The following TMEM232 variants were observed in gnomAD, a reference collection of about 807,000 sequenced individuals.
The protein encoded by TMEM232 is transmembrane protein 232.
A neutral mutation model predicts 78.8 loss-of-function variants in TMEM232; 80 were observed. The observed-to-expected ratio is 1.01, with a 90% CI of 0.85 to 1.22. TMEM232 has a LOEUF of 1.22. Ranked by LOEUF, TMEM232 falls within the 50% of genes most tolerant of loss-of-function variation. The pLI, the probability that TMEM232 is intolerant of heterozygous loss-of-function variation, is 0.00. For synonymous variants in TMEM232, 297 were observed against 254.3 expected, an observed-to-expected ratio of 1.17 and a Z score of -1.60; for missense variants, 881 against 742.2, an observed-to-expected ratio of 1.19 and a Z score of -2.17.
intron 1 of TMEM232, among the ~76,000 whole-genome samples, chr5:110,723,129 T>C (rs1259031263): frequency 6.6e-6 from 1 of 152,186 alleles, no homozygotes; most frequent in African/African-American, 2.4e-5. Flanking sequence ...CCAGTGAACC[T>C]ATCTGGGCCT....
At chr5:110,409,700 CT>C (rs1040977349) in intron 2 of TMEM232, among the ~76,000 whole-genome samples, 7 of 148,880 alleles carry the variant, frequency 4.7e-5, no homozygotes, top group South Asian at 2.1e-4. Flanking sequence ...GCTACATATT[CT>C]TTTTTTTTTC....
intron 2 of TMEM232, among the ~76,000 whole-genome samples, chr5:110,651,589 G>A (rs1475362063): frequency 1.3e-5 from 2 of 152,018 alleles, no homozygotes; most frequent in East Asian, 1.9e-4. Flanking sequence ...TTTTACTCTG[G>A]ATGTAATGGA....
At chr5:110,638,492 G>T in intron 4 of TMEM232, 137 bp from the exon 5 acceptor site, 1 of 840,804 alleles carries the variant, frequency 1.2e-6, no homozygotes, top group Non-Finnish European at 1.8e-6. Flanking sequence ...AATTCTCTTT[G>T]ACACCTTTCT....
intron 12 of TMEM232, among the ~76,000 whole-genome samples, chr5:110,516,116 G>GTA (rs1768597886): frequency 6.6e-6 from 1 of 152,132 alleles, no homozygotes. Flanking sequence ...GCAGGCACCT[G>GTA]TAGTCCCAGC....
At chr5:110,448,402 C>G (rs1245525586) in intron 12 of TMEM232, among the ~76,000 whole-genome samples, 2 of 151,864 alleles carry the variant, frequency 1.3e-5, no homozygotes, top group African/African-American at 4.8e-5. Flanking sequence ...GACCTTAAAC[C>G]CTTTAAGAGC....
At position 110,618,550 on chromosome 5, in the gene TMEM232, T is replaced by C; in HGVS notation, c.781A>G (p.Ile261Val). The C allele has an allele frequency of 1.3e-6, 2 of 1,547,612 alleles. No individual in the cohort carries two copies. Among genetic ancestry groups the C allele is most frequent in the African/African-American group, 2.7e-5 (2 of 72,944 alleles). Residue 261 changes from isoleucine to valine, a missense_variant, in exon 8 of 14, where the codon ATT becomes GTT. Transcript: ENST00000455884. ...ACACAGTGCCAGAGCAGGTGGTTAA[T>C]TTCATATCCTCCCTGATTAAATTGC... ...NTDSDMGGYE[I>V]NHLLWHCVAA...
At chr5:110,460,454 A>G (rs898562582) in intron 12 of TMEM232, among the ~76,000 whole-genome samples, 2 of 152,244 alleles carry the variant, frequency 1.3e-5, no homozygotes, top group African/African-American at 4.8e-5. Context: ...TATTAAAGCA[A>G]TATGTTACCT....
intron 1 of TMEM232, among the ~76,000 whole-genome samples, chr5:110,716,735 G>C (rs547736093): frequency 1.5e-4 from 23 of 152,220 alleles, no homozygotes; most frequent in African/African-American, 5.1e-4. Flanking sequence ...GGGGATCCCT[G>C]TTTTACAGAT....
chr5:110,688,241 A>G (rs976800633), intron 1 of TMEM232, among the ~76,000 whole-genome samples: 1 of 152,206 alleles, frequency 6.6e-6, no homozygotes, highest in Non-Finnish European at 1.5e-5. Flanking sequence ...ATAGAGACAT[A>G]GGTAGTTGGA....
chr5:110,682,794 T>C (rs1300898420), intron 1 of TMEM232, among the ~76,000 whole-genome samples: 2 of 152,252 alleles, frequency 1.3e-5, no homozygotes, highest in East Asian at 3.9e-4. Context: ...TCAGTACTGA[T>C]CTTACCTGAT....
intron 2 of TMEM232, 137 bp from the exon 3 acceptor site, chr5:110,642,508 A>C (rs2150022817): frequency 1.7e-6 from 1 of 587,102 alleles, no homozygotes; most frequent in Admixed American, 3.9e-5. Flanking sequence ...TCACACAAAA[A>C]AAATCAGTAA....
chr5:110,622,690 C>T (rs934104915), intron 7 of TMEM232, among the ~76,000 whole-genome samples: 6 of 151,984 alleles, frequency 3.9e-5, no homozygotes, highest in African/African-American at 1.5e-4. Flanking sequence ...GATTTACAGT[C>T]CTTTGGGTAT....
intron 2 of TMEM232, among the ~76,000 whole-genome samples, chr5:110,657,514 A>C (rs1256757603): frequency 1.1e-4 from 17 of 152,180 alleles, no homozygotes; most frequent in Admixed American, 1.1e-3. Flanking sequence ...TAAACACCAC[A>C]TGATCTCACT....
At chr5:110,544,185 C>A (rs1488326891) in intron 11 of TMEM232, among the ~76,000 whole-genome samples, 3 of 152,030 alleles carry the variant, frequency 2.0e-5, no homozygotes, top group African/African-American at 7.2e-5. Flanking sequence ...ATTATTAGAA[C>A]ATGACTTCTT....
intron 3 of TMEM232, among the ~76,000 whole-genome samples, chr5:110,393,790 C>T (rs1176205405): frequency 6.6e-6 from 1 of 151,780 alleles, no homozygotes. Flanking sequence ...AACCCCATCT[C>T]TACTAAAAAT....
chr5:110,483,589 C>T (rs564935844), intron 12 of TMEM232, among the ~76,000 whole-genome samples: 10 of 150,674 alleles, frequency 6.6e-5, no homozygotes, highest in South Asian at 4.2e-4. Flanking sequence ...TCACACACCG[C>T]GGCCTGTTGT....
intron 12 of TMEM232, among the ~76,000 whole-genome samples, chr5:110,460,927 C>T (rs1316525610): frequency 6.6e-6 from 1 of 151,958 alleles, no homozygotes; most frequent in African/African-American, 2.4e-5. Flanking sequence ...ACACATTGTA[C>T]GTGTTCTGAC....
At chr5:110,490,136 AG>A (rs1764888191) in intron 12 of TMEM232, among the ~76,000 whole-genome samples, 1 of 102,240 alleles carries the variant, frequency 9.8e-6, no homozygotes, top group African/African-American at 5.2e-5. Flanking sequence ...AAAGAAAGAA[AG>A]AAAGAAAGAA....
intron 11 of TMEM232, among the ~76,000 whole-genome samples, chr5:110,533,302 T>G (rs1011946526): frequency 6.6e-6 from 1 of 152,162 alleles, no homozygotes; most frequent in African/African-American, 2.4e-5. Context: ...ACACATGCTC[T>G]CCCTGCTGAT....
Sources: gnomAD v4.1 joint callset for allele counts (sites outside exome capture counted in the v4.1 genomes callset) on GRCh38, gnomAD v4.1.1 for gene constraint, MANE v1.5 for transcripts, NCBI Gene and HGNC (gene_info 2026-07-23, HGNC 2026-07-21) for gene names.